Variants in CNTN1 observed in about 807,000 individuals in gnomAD.
The protein encoded by CNTN1 is contactin 1.
A neutral mutation model predicts 126.4 loss-of-function variants in CNTN1; 38 were observed. The observed-to-expected ratio is 0.30, with a 90% CI of 0.23 to 0.39. CNTN1 has a LOEUF of 0.39. CNTN1 is among the 10% of genes least tolerant of loss of function. CNTN1 has a pLI of 1.00. For missense variants in CNTN1, 1,009 were observed against 1,248.4 expected, an observed-to-expected ratio of 0.81 and a Z score of 2.89; for synonymous variants, 413 against 422.6, an observed-to-expected ratio of 0.98 and a Z score of 0.28.
chr12:40,958,476 G>T (rs1479125047), intron 14 of CNTN1, among the ~76,000 whole-genome samples: 1 of 151,700 alleles, frequency 6.6e-6, no homozygotes, highest in Non-Finnish European at 1.5e-5. Context: ...ACATTGAAAT[G>T]GTGTCTCATC....
intron 1 of CNTN1, among the ~76,000 whole-genome samples, chr12:40,837,267 G>A (rs543744538): frequency 3.9e-5 from 6 of 152,090 alleles, no homozygotes; most frequent in South Asian, 2.1e-4. Context: ...CCTGAGAGAC[G>A]GTGGTGGAAT....
chr12:40,883,361 T>A (rs981711683), intron 1 of CNTN1, among the ~76,000 whole-genome samples: 1 of 151,594 alleles, frequency 6.6e-6, no homozygotes, highest in Non-Finnish European at 1.5e-5. Flanking sequence ...ATGAAAGTCA[T>A]ACAACTGTGA....
chr12:41,013,575 A>G (rs1359905586), intron 17 of CNTN1, among the ~76,000 whole-genome samples: 2 of 152,176 alleles, frequency 1.3e-5, no homozygotes, highest in African/African-American at 2.4e-5. Context: ...CATGCAGTAC[A>G]GTGGCAGAAA....
intron 23 of CNTN1, among the ~76,000 whole-genome samples, chr12:41,053,900 C>A (rs1949742068): frequency 6.6e-6 from 1 of 151,530 alleles, no homozygotes; most frequent in Admixed American, 6.6e-5. Context: ...ACTCTATTGT[C>A]TTCTTGTTCT....
chr12:40,717,804 G>T (rs1942086846), intron 1 of CNTN1, among the ~76,000 whole-genome samples: 1 of 152,070 alleles, frequency 6.6e-6, no homozygotes, highest in African/African-American at 2.4e-5. Context: ...AGCAAAATAG[G>T]GCCTTGTTGA....
chr12:41,013,355 T>A (rs1948709997), intron 17 of CNTN1, among the ~76,000 whole-genome samples: 1 of 152,172 alleles, frequency 6.6e-6, no homozygotes, highest in Non-Finnish European at 1.5e-5. Flanking sequence ...CTTGTTTATG[T>A]CTGCAGCTCG....
chr12:41,037,914 T>A (rs1263100657), intron 23 of CNTN1, among the ~76,000 whole-genome samples: 2 of 152,150 alleles, frequency 1.3e-5, no homozygotes, highest in African/African-American at 4.8e-5. Flanking sequence ...TCCCAGCACT[T>A]TGGGAGGCCA....
chr12:40,848,086 C>T (rs956887282), intron 1 of CNTN1, among the ~76,000 whole-genome samples: 6 of 152,192 alleles, frequency 3.9e-5, no homozygotes, highest in Admixed American at 3.3e-4. Flanking sequence ...GCCACAGACC[C>T]ATACCACTCG....
At chr12:40,722,663 A>G (rs1942247979) in intron 1 of CNTN1, among the ~76,000 whole-genome samples, 1 of 152,146 alleles carries the variant, frequency 6.6e-6, no homozygotes, top group African/African-American at 2.4e-5. Context: ...TATATTATAT[A>G]TAGTATGGAT....
chr12:41,042,242 A>T (rs1277022993), intron 23 of CNTN1, among the ~76,000 whole-genome samples: 1 of 151,980 alleles, frequency 6.6e-6, no homozygotes, highest in Non-Finnish European at 1.5e-5. Flanking sequence ...GGGTTTCTTA[A>T]TCCTGAGTTC....
At chr12:40,815,618 A>C (rs932088451) in intron 1 of CNTN1, among the ~76,000 whole-genome samples, 1 of 152,004 alleles carries the variant, frequency 6.6e-6, no homozygotes, top group Non-Finnish European at 1.5e-5. Flanking sequence ...GACTTCCTCT[A>C]TTCCTATTTG....
At chr12:40,780,760 T>TC (rs1939763228) in intron 1 of CNTN1, among the ~76,000 whole-genome samples, 1 of 149,892 alleles carries the variant, frequency 6.7e-6, no homozygotes, top group Non-Finnish European at 1.5e-5. Flanking sequence ...AGAGGAGGCC[T>TC]TTAAGGAGAG....
At chr12:40,934,609 G>A (rs1169209737) in intron 9 of CNTN1, among the ~76,000 whole-genome samples, 1 of 151,522 alleles carries the variant, frequency 6.6e-6, no homozygotes, top group Non-Finnish European at 1.5e-5. Flanking sequence ...AATAAACATC[G>A]AGGGCTTCCA....
chr12:40,710,292 T>C (rs992117866), intron 1 of CNTN1, among the ~76,000 whole-genome samples: 28 of 152,248 alleles, frequency 1.8e-4, no homozygotes, highest in African/African-American at 6.5e-4. Context: ...GAATTAGCCC[T>C]TGGTGGAGCA....
intron 22 of CNTN1, among the ~76,000 whole-genome samples, 182 bp downstream of exon 22, chr12:41,028,151 C>T (rs545255283): frequency 6.6e-6 from 1 of 152,244 alleles, no homozygotes; most frequent in Admixed American, 6.5e-5. Context: ...CCTGCCTCAG[C>T]CTCCCAAGTA....
chr12:41,054,738 A>T (rs866470539), intron 23 of CNTN1, among the ~76,000 whole-genome samples: 1 of 152,096 alleles, frequency 6.6e-6, no homozygotes, highest in Non-Finnish European at 1.5e-5. Context: ...TAGTTATTAG[A>T]TGTACTTGAA....
At chr12:40,983,107 T>G (rs1435328982) in intron 16 of CNTN1, among the ~76,000 whole-genome samples, 1 of 152,124 alleles carries the variant, frequency 6.6e-6, no homozygotes, top group Non-Finnish European at 1.5e-5. Context: ...AATAAATAAG[T>G]AAATAGGGTA....
chr12:40,760,762 T>C (rs1011582392), intron 1 of CNTN1, among the ~76,000 whole-genome samples: 8 of 152,220 alleles, frequency 5.3e-5, no homozygotes, highest in Admixed American at 3.3e-4. Flanking sequence ...AACTCTATTT[T>C]TTTATCCCCT....
intron 20 of CNTN1, among the ~76,000 whole-genome samples, chr12:41,024,413 G>A (rs935008991): frequency 6.6e-6 from 1 of 151,576 alleles, no homozygotes; most frequent in African/African-American, 2.4e-5. Flanking sequence ...ATGCAAAAAA[G>A]CCTTTATTTA....
Sources: gnomAD v4.1 joint callset for allele counts (sites outside exome capture counted in the v4.1 genomes callset) on GRCh38, gnomAD v4.1.1 for gene constraint, MANE v1.5 for transcripts, NCBI Gene and HGNC (gene_info 2026-07-23, HGNC 2026-07-21) for gene names.